Variants in SPACA6 observed in about 807,000 individuals in gnomAD.
SPACA6 encodes the protein sperm acrosome associated 6.
For synonymous variants in SPACA6, 6 were observed against 1.5 expected, an observed-to-expected ratio of 4.05 and a Z score of -2.21; for missense variants, 8 against 2.8, an observed-to-expected ratio of 2.88 and a Z score of -1.34.
At chr19:51,696,322 T>A (rs1210243350) in intron 2 of SPACA6, among the ~76,000 whole-genome samples, 1 of 152,112 alleles carries the variant, frequency 6.6e-6, no homozygotes. Context: ...TCGGGTTGCT[T>A]ATATTGGGGT....
chr19:51,702,454 T>C, intron 3 of SPACA6, 175 bp from the exon 4 acceptor site: 1 of 393,014 alleles, frequency 2.5e-6, no homozygotes, highest in Non-Finnish European at 4.5e-6. Flanking sequence ...TGCTCAGGCT[T>C]GGCCCCGGCC....
At chr19:51,684,577 T>C (rs1454593137), upstream of SPACA6, among the ~76,000 whole-genome samples, 1 of 152,168 alleles carries the variant, frequency 6.6e-6, no homozygotes, top group Non-Finnish European at 1.5e-5. Context: ...TTGGGGTTAT[T>C]TAATGGTGTA....
chr19:51,709,027 A>G (rs1042264194), downstream of SPACA6, among the ~76,000 whole-genome samples: 2 of 152,118 alleles, frequency 1.3e-5, no homozygotes, highest in Non-Finnish European at 2.9e-5. Context: ...TGGGGACCAG[A>G]TGGTGCTGCT....
At chr19:51,708,208 T>C (rs1333763784), downstream of SPACA6, among the ~76,000 whole-genome samples, 1 of 152,092 alleles carries the variant, frequency 6.6e-6, no homozygotes, top group Non-Finnish European at 1.5e-5. Context: ...GATGCTGTTA[T>C]CACCCAGGAA....
At chr19:51,702,867 G>T in intron 4 of SPACA6, 154 bp from the exon 5 acceptor site, 1 of 398,742 alleles carries the variant, frequency 2.5e-6, no homozygotes, top group South Asian at 1.4e-4. Context: ...AGAGGGCGGA[G>T]AGGAGTGAGA....
At chr19:51,692,062 G>C (rs1160830291), upstream of SPACA6, among the ~76,000 whole-genome samples, 1 of 151,944 alleles carries the variant, frequency 6.6e-6, no homozygotes, top group East Asian at 1.9e-4. The surrounding 1 kb of genome is among the most constrained non-coding windows in gnomAD (Gnocchi z 5.6). Context: ...GGCTGTCATA[G>C]TTGTAAATGA....
upstream of SPACA6, chr19:51,692,566 G>A: frequency 2.0e-6 from 1 of 506,758 alleles, no homozygotes; most frequent in South Asian, 1.5e-5. This position sits in a 1 kb window ranked among gnomAD's most constrained non-coding sequence, Gnocchi z 5.6. Flanking sequence ...CTGGACTCCT[G>A]GGTTCCTTGG....
intron 2 of SPACA6, among the ~76,000 whole-genome samples, chr19:51,710,356 G>GA (rs762006130): frequency 1.3e-5 from 2 of 152,260 alleles, no homozygotes; most frequent in East Asian, 3.9e-4. Flanking sequence ...GCATGAATGG[G>GA]AAAAAAATGT....
chr19:51,688,310 G>C (rs2083338210), upstream of SPACA6: 1 of 152,654 alleles, frequency 6.6e-6, no homozygotes, highest in Admixed American at 6.5e-5. Flanking sequence ...CCTCTGCCTG[G>C]AAGGGCCTTA....
chr19:51,712,919 TGAGTA>T (rs1303906585), downstream of SPACA6, among the ~76,000 whole-genome samples: 1 of 152,010 alleles, frequency 6.6e-6, no homozygotes, highest in African/African-American at 2.4e-5. Flanking sequence ...GTGAATGAGT[TGAGTA>T]ATTTAACCCT....
chr19:51,704,776 C>T, intron 8 of SPACA6: 2 of 381,070 alleles, frequency 5.2e-6, no homozygotes, highest in African/African-American at 2.2e-5. Context: ...CCCCAAACCC[C>T]TACTCCTTCA....
intron 8 of SPACA6, chr19:51,704,708 C>T: frequency 2.5e-6 from 1 of 396,492 alleles, no homozygotes; most frequent in Non-Finnish European, 4.4e-6. Flanking sequence ...GCCCCTCCTC[C>T]CTCAGACCCA....
In SPACA6 at chr19:51,695,188, G is replaced by A. The variant is rs544250382; in HGVS notation, c.292+633G>A. ...ATCACTCAGGTGACAGCAGTGAAAA[G>A]AGACAAGGTGTGACTGTCCTGGTGA... is the stretch of plus-strand genomic sequence containing the variant. On this transcript the variant is annotated intron_variant, in intron 2 of 8. Transcript: ENST00000637797. Among the ~76,000 whole-genome samples, 7 of 152,350 alleles carry A rather than the reference G, an allele frequency of 4.6e-5. No homozygotes were observed. In the South Asian group the frequency reaches 1.5e-3, roughly 32 times the overall value.
At chr19:51,705,272 G>C (rs1321612960), downstream of SPACA6, 5 of 396,384 alleles carry the variant, frequency 1.3e-5, no homozygotes, top group Non-Finnish European at 1.8e-5. Context: ...AGATGAATAT[G>C]GCCCGCATAA....
At chr19:51,707,210 A>G (rs1213932727), downstream of SPACA6, among the ~76,000 whole-genome samples, 1 of 151,050 alleles carries the variant, frequency 6.6e-6, no homozygotes, top group Non-Finnish European at 1.5e-5. Context: ...ACAGTAAAAC[A>G]AAACTGTTTC....
intron 4 of SPACA6, 178 bp downstream of exon 4, chr19:51,702,830 G>C: frequency 2.5e-6 from 1 of 398,484 alleles, no homozygotes; most frequent in Non-Finnish European, 4.4e-6. Flanking sequence ...GTGTGTGTGA[G>C]AGCCGAAGCA....
chr19:51,705,292 T>C (rs561103461), downstream of SPACA6: 4 of 392,000 alleles, frequency 1.0e-5, no homozygotes, highest in African/African-American at 6.2e-5. Context: ...ATGACAGTGA[T>C]AGGCATAGCT....
chr19:51,691,100 G>GA, upstream of SPACA6, among the ~76,000 whole-genome samples: 1 of 109,372 alleles, frequency 9.1e-6, no homozygotes, highest in Admixed American at 9.1e-5. Context: ...CCCTCCTCAG[G>GA]TCGCTACCCC....
At chr19:51,699,991 C>T (rs1294336077) in intron 2 of SPACA6, among the ~76,000 whole-genome samples, 1 of 152,220 alleles carries the variant, frequency 6.6e-6, no homozygotes, top group African/African-American at 2.4e-5. Context: ...TGGTGGCCCA[C>T]ACCTGTAATC....
Sources: allele counts gnomAD v4.1 joint callset (sites outside exome capture counted in the v4.1 genomes callset), GRCh38; gene constraint gnomAD v4.1.1; non-coding constraint Gnocchi (gnomAD v3.1); transcripts MANE v1.5; gene names NCBI Gene and HGNC (gene_info 2026-07-23, HGNC 2026-07-21).